Variants in NISCH observed in about 807,000 individuals in gnomAD.
NISCH encodes the protein nischarin, also known as I-1 receptor candidate protein.
Under a neutral mutation model 138.4 loss-of-function variants are expected in NISCH, and 55 were observed. That is an observed-to-expected ratio of 0.40 (90% confidence interval 0.32 to 0.50). The LOEUF (loss-of-function observed/expected upper bound fraction) is 0.50. NISCH is among the 20% of genes least tolerant of loss of function. The pLI is 0.71. For synonymous variants in NISCH, 860 were observed against 861.5 expected (o/e 1.00, Z 0.03); for missense variants, 1,643 against 2,005.5 (o/e 0.82, Z 3.45).
At chr3:52,485,728 T>C (rs947002547) in intron 14 of NISCH, 50 bp from the exon 15 acceptor site, 7 of 1,551,020 alleles carry the variant, frequency 4.5e-6, no homozygotes, top group African/African-American at 1.4e-5. Context: ...AGTAAATGGC[T>C]GGGGCTGGCT....
At chr3:52,467,919 A>AT (rs1350549988) in intron 3 of NISCH, among the ~76,000 whole-genome samples, 2 of 151,856 alleles carry the variant, frequency 1.3e-5, no homozygotes, top group African/African-American at 2.4e-5. Context: ...GCCCAGGGTG[A>AT]TTTTTTTTCT....
intron 1 of NISCH, among the ~76,000 whole-genome samples, chr3:52,456,572 C>T (rs1386385921): frequency 1.3e-5 from 2 of 152,220 alleles, no homozygotes; most frequent in African/African-American, 4.8e-5. Flanking sequence ...CCTGCCTCCT[C>T]CCCTTTGTTC....
intron 15 of NISCH, among the ~76,000 whole-genome samples, chr3:52,486,768 G>T (rs551075529): frequency 1.2e-4 from 19 of 152,358 alleles, no homozygotes; most frequent in African/African-American, 4.1e-4. Flanking sequence ...ATTTAAGTGT[G>T]AAGGTCCTAA....
At position 52,487,693 on chromosome 3, in the gene NISCH, T is replaced by C; in HGVS notation, c.2201T>C (p.Phe734Ser). Residue 734 changes from phenylalanine (F) to serine (S), a missense_variant, in exon 16 of 21, where the codon TTC (phenylalanine) becomes TCC (serine). Physicochemically the swap from Phe to Ser is radical, Grantham distance 155 (BLOSUM62 -2). Coordinates refer to ENST00000345716, the MANE Select transcript of NISCH (RefSeq NM_007184.4). The surrounding 1 kb of genome is among the most constrained non-coding windows in gnomAD (Gnocchi z 9.1). ...GCCGCCTGCCTTGTGCTCACCGACT[T>C]CGGCATCGCAGTCTTCGAGATCCCG... ...QFAACLVLTD[F>S]GIAVFEIPHQ... 6.2e-7 allele frequency: 1 copy of C among 1,613,588 alleles called. No homozygotes were observed. The highest frequency in any genetic ancestry group is 8.5e-7 in the Non-Finnish European group (1 of 1,179,976).
At chr3:52,477,482 G>T in intron 8 of NISCH, 92 bp from the exon 9 acceptor site, 1 of 1,055,448 alleles carries the variant, frequency 9.5e-7, no homozygotes, top group Non-Finnish European at 1.5e-6. Flanking sequence ...TGGTCGGGAG[G>T]AAGCGTCCTG....
At chr3:52,477,520 G>A (rs895323653) in intron 8 of NISCH, 54 bp from the exon 9 acceptor site, 31 of 1,489,104 alleles carry the variant, frequency 2.1e-5, no homozygotes, top group African/African-American at 6.9e-5. Context: ...GTCGGGGACC[G>A]TGTTTGGGGT....
chr3:52,472,426 C>A, intron 6 of NISCH, 28 bp downstream of exon 6: 1 of 1,566,794 alleles, frequency 6.4e-7, no homozygotes, highest in Non-Finnish European at 8.8e-7. Flanking sequence ...ACAGCATCCT[C>A]TCGCTCCCAA....
intron 3 of NISCH, among the ~76,000 whole-genome samples, chr3:52,464,393 TAAAAAAACAAAAAAAACA>T (rs903629366): frequency 6.6e-6 from 1 of 150,864 alleles, no homozygotes; most frequent in South Asian, 2.1e-4. Context: ...TAAGACTGTC[TAAAAAAACAAAAAAAACA>T]AAAAAAACAG....
At position 52,487,354 on chromosome 3, in the gene NISCH, G is replaced by A; in HGVS notation, c.1862G>A (p.Trp621Ter). The change falls in exon 16 of 21, where the codon TGG becomes TAG. Residue 621 changes from tryptophan (W) to a stop codon, truncating the protein, a stop_gained. Transcript: ENST00000345716. LOFTEE classifies it high-confidence loss of function. This position sits in a 1 kb window ranked among gnomAD's most constrained non-coding sequence, Gnocchi z 9.1. The stretch of plus-strand genomic sequence containing the variant: ...GCCATCGAGCGGCAGCTGCCTGCCT[G>A]GATCGAGGCTGCCAACCAGCGGGAG... ...RQAIERQLPA[W>*]IEAANQREEG... 1 of 1,614,134 alleles carries A rather than the reference G, an allele frequency of 6.2e-7. No homozygotes were observed. Among genetic ancestry groups the A allele is most frequent in the Non-Finnish European group, 8.5e-7 (1 of 1,180,046 alleles).
chr3:52,463,737 T>TTTTTG (rs1706700973), intron 3 of NISCH, among the ~76,000 whole-genome samples: 1 of 144,746 alleles, frequency 6.9e-6, no homozygotes, highest in Non-Finnish European at 1.5e-5. Flanking sequence ...TTTTTTTTTT[T>TTTTTG]TTCTGAGACA....
chr3:52,492,045 C>A lies in NISCH; in HGVS notation c.4078C>A (p.Pro1360Thr). 6 of 1,613,072 alleles carry A rather than the reference C, an allele frequency of 3.7e-6. No homozygotes were observed. Among genetic ancestry groups the A allele is most frequent in the Non-Finnish European group, 5.1e-6 (6 of 1,179,952 alleles). ...YVQAFQVGMP[P>T]PGCCRGPLRP... is the part of the protein sequence containing the mutation. ...GCAGGCCTTCCAGGTGGGCATGCCA[C>A]CCCCTGGGTGCTGCAGGGGCCCCCT... Residue 1360 changes from proline to threonine, a missense_variant, in exon 21 of 21, where the codon CCC (proline) becomes ACC (threonine). Transcript: ENST00000345716.
chr3:52,462,716 A>G (rs1186965580), intron 3 of NISCH, among the ~76,000 whole-genome samples: 2 of 151,502 alleles, frequency 1.3e-5, no homozygotes, highest in African/African-American at 4.9e-5. Context: ...GCTCACTGCA[A>G]CCTCCACCTC....
intron 3 of NISCH, among the ~76,000 whole-genome samples, chr3:52,466,296 T>C (rs976859827): frequency 6.6e-6 from 1 of 152,136 alleles, no homozygotes; most frequent in Non-Finnish European, 1.5e-5. Context: ...CCGGGCATGG[T>C]GACTCACGCC....
At chr3:52,478,730 C>T (rs973195634) in intron 11 of NISCH, 153 bp downstream of exon 11, 2 of 666,438 alleles carry the variant, frequency 3.0e-6, no homozygotes, top group Admixed American at 2.8e-5. Flanking sequence ...CTGGGAAGTC[C>T]ACTATCTCCC....
chr3:52,491,519 CCT>C lies in NISCH; in HGVS notation c.3904+7_3904+8del, dbSNP rs1707565032. 8 of 1,609,200 alleles carry C rather than the reference CCT, an allele frequency of 5.0e-6. No individual in the cohort carries two copies. Among genetic ancestry groups the C allele is most frequent in the Non-Finnish European group, 6.8e-6 (8 of 1,177,574 alleles). On this transcript the variant is annotated splice_region_variant and intron_variant, in intron 20 of 20. Coordinates refer to ENST00000345716, the MANE Select transcript of NISCH (RefSeq NM_007184.4). ...GTTTGGGAACAAGACCACAGGTACC[CCT>C]GTCTAGCTCAGGCTGCAGACAGGCT...
Position 52,473,769 on chromosome 3 carries a change from G to T in NISCH, c.705G>T (p.Leu235=). 1.2e-6 allele frequency: 2 copies of T among 1,608,906 alleles called. No homozygotes were observed. Among genetic ancestry groups the T allele is most frequent in the Non-Finnish European group, 8.5e-7 (1 of 1,175,792 alleles). ...GTGATGCTAAGCACATCAGAGGGCT[G>T]GTCGCATCGAAGCCCACCTTAGCCA... ...SHCDAKHIRG[L]VASKPTLATL... The change falls in exon 7 of 21, where the codon CTG becomes CTT. Residue 235 remains leucine (L), a synonymous_variant. Coordinates refer to ENST00000345716, the MANE Select transcript of NISCH (RefSeq NM_007184.4).
intron 4 of NISCH, chr3:52,471,449 G>T (rs1422297003): frequency 5.7e-6 from 2 of 351,028 alleles, no homozygotes; most frequent in Non-Finnish European, 1.1e-5. Context: ...ATAGGCCTGC[G>T]CCTGACCTGG....
chr3:52,457,594 A>G (rs1706510273), intron 1 of NISCH, among the ~76,000 whole-genome samples: 2 of 152,094 alleles, frequency 1.3e-5, no homozygotes, highest in Admixed American at 1.3e-4. Flanking sequence ...TGCTTGTCTC[A>G]TGTGCCTCCC....
chr3:52,467,647 C>G (rs1238414688), intron 3 of NISCH, among the ~76,000 whole-genome samples: 2 of 152,224 alleles, frequency 1.3e-5, no homozygotes, highest in Non-Finnish European at 2.9e-5. Context: ...AAAATTGTTA[C>G]ACAAATTGCT....
Sources: allele counts gnomAD v4.1 joint callset (sites outside exome capture counted in the v4.1 genomes callset), GRCh38; gene constraint gnomAD v4.1.1; non-coding constraint Gnocchi (gnomAD v3.1); transcripts MANE v1.5; gene names NCBI Gene and HGNC (gene_info 2026-07-23, HGNC 2026-07-21).